Variants in THADA observed in about 807,000 individuals in gnomAD.
THADA encodes THADA armadillo repeat containing.
THADA carries 213 observed loss-of-function variants against 219.8 expected under a neutral mutation model. The ratio of observed to expected loss-of-function variants is 0.97; its 90% confidence interval spans 0.87 to 1.09. The LOEUF (loss-of-function observed/expected upper bound fraction) is 1.09, where lower values mean the gene tolerates loss of function less well. Ranked by LOEUF, THADA falls within the 50% of genes least tolerant of loss-of-function variation. THADA has a pLI of 0.00. For missense variants in THADA, 2,956 were observed against 2,311.3 expected, an observed-to-expected ratio of 1.28 and a Z score of -5.72; for synonymous variants, 1,018 against 828.9, an observed-to-expected ratio of 1.23 and a Z score of -3.92.
Position 43,279,891 on chromosome 2 carries a change from G to A in THADA, c.5170C>T (p.Gln1724Ter). The A allele has an allele frequency of 6.5e-7, 1 of 1,532,370 alleles. No homozygotes were observed. The highest frequency in any genetic ancestry group is 2.4e-5 in the Admixed American group (1 of 42,368). 94.9% of individuals were successfully genotyped at this position (1,532,370 alleles called of 1,614,324 possible). A position where few individuals can be genotyped will look rare whatever the true frequency, so the allele number is the denominator to read the frequency against. The change falls in exon 36 of 38, where the codon CAG becomes TAG. Residue 1724 changes from glutamine to a stop codon, truncating the protein, a stop_gained. Coordinates refer to ENST00000405975, the MANE Select transcript of THADA (RefSeq NM_022065.5). LOFTEE classifies it high-confidence loss of function. The part of the protein sequence containing the change: ...LTNPHPILEL[Q>*]DTLALWKCVL... ...CACTTCCAGAGAGCAAGTGTATCCT[G>A]CAACTCTAAGAAGACCAAAAGGAAT...
At chr2:43,430,151 C>G in intron 27 of THADA, 62 bp downstream of exon 27, 1 of 787,214 alleles carries the variant, frequency 1.3e-6, no homozygotes, top group Non-Finnish European at 1.9e-6. Flanking sequence ...GAGGGAAAAT[C>G]TCAATTACTA....
At chr2:43,341,716 C>T (rs1040127322) in intron 30 of THADA, among the ~76,000 whole-genome samples, 2 of 152,144 alleles carry the variant, frequency 1.3e-5, no homozygotes, top group Non-Finnish European at 2.9e-5. Context: ...AAGCAGGTTT[C>T]AGAGGATAAT....
intron 31 of THADA, among the ~76,000 whole-genome samples, chr2:43,318,743 G>A (rs765296796): frequency 1.3e-5 from 2 of 152,156 alleles, no homozygotes; most frequent in East Asian, 3.8e-4. Flanking sequence ...CACAGCTTGT[G>A]AAAACAAGCT....
chr2:43,355,357 T>TACA (rs1435635840), intron 29 of THADA, among the ~76,000 whole-genome samples: 1 of 152,222 alleles, frequency 6.6e-6, no homozygotes, highest in Non-Finnish European at 1.5e-5. Context: ...ACCAACAGTG[T>TACA]ACAAAGGTTC....
At chr2:43,275,833 G>A (rs2104292703) in intron 36 of THADA, among the ~76,000 whole-genome samples, 1 of 152,320 alleles carries the variant, frequency 6.6e-6, no homozygotes, top group Non-Finnish European at 1.5e-5. Context: ...CCAGAACTCT[G>A]CCTAACTTAA....
At chr2:43,469,597 G>C (rs1041580603) in intron 26 of THADA, among the ~76,000 whole-genome samples, 5 of 151,928 alleles carry the variant, frequency 3.3e-5, no homozygotes, top group Admixed American at 1.3e-4. Flanking sequence ...TTTTTAAAAG[G>C]CTTGGTTATT....
chr2:43,231,293 C>T lies in THADA; in HGVS notation c.5517G>A (p.Glu1839=), dbSNP rs1157558178. The T allele has an allele frequency of 1.3e-6, 2 of 1,585,736 alleles. No individual in the cohort carries two copies. The highest frequency in any genetic ancestry group is 1.7e-6 in the Non-Finnish European group (2 of 1,169,876). The change falls in exon 38 of 38, where the codon GAG becomes GAA. Residue 1839 remains glutamate (E), a synonymous_variant. Transcript: ENST00000405975. ...FEKAEVNFWA[E]TLIFVKYLCK... The stretch of plus-strand genomic sequence containing the variant: ...AGAGGTATTTCACAAAGATCAGGGT[C>T]TCGGCCCAAAAGTTGACTTCTGCTT...
intron 31 of THADA, among the ~76,000 whole-genome samples, chr2:43,318,311 A>T (rs1041003142): frequency 2.6e-5 from 4 of 152,122 alleles, no homozygotes; most frequent in African/African-American, 9.7e-5. Flanking sequence ...AAAGTGCTGA[A>T]TTATGGGCTT....
At chr2:43,280,021 G>A in intron 35 of THADA, 125 bp from the exon 36 acceptor site, 1 of 983,094 alleles carries the variant, frequency 1.0e-6, no homozygotes, top group Non-Finnish European at 1.4e-6. Flanking sequence ...TTTTTTTCTG[G>A]GTATTGTTAA....
At chr2:43,370,420 G>A (rs546719586) in intron 29 of THADA, among the ~76,000 whole-genome samples, 51 of 152,056 alleles carry the variant, frequency 3.4e-4, no homozygotes, top group Admixed American at 5.2e-4. Context: ...GGCCGCTTTC[G>A]GGAAAGGACA....
rs60448094 is a variant in THADA at position 43,501,307 on chromosome 2, C to CAAAAAAAAAAAA, written c.3622-2364_3622-2353dup. ...GGCAACAAAAGCGAAACTCCAACTC[C>CAAAAAAAAAAAA]AAAAAAAAAAAAAAAAAAAAAAAAA... On this transcript the variant is annotated intron_variant, in intron 24 of 37. Coordinates refer to ENST00000405975, the MANE Select transcript of THADA (RefSeq NM_022065.5). 1.5e-3 allele frequency among the ~76,000 whole-genome samples: 22 copies of CAAAAAAAAAAAA among 15,046 alleles called. 1 individual carries two copies. Among genetic ancestry groups the CAAAAAAAAAAAA allele is most frequent in the African/African-American group, 1.7e-3 (9 of 5,320 alleles). The allele number at this position is 15,046 out of a possible 152,430, so 9.9% of individuals were successfully genotyped here.
In THADA at chr2:43,558,403, T is replaced by C. The variant is rs137941841; in HGVS notation, c.2463+1831A>G. Among the ~76,000 whole-genome samples the C allele has an allele frequency of 6.3e-3, 953 of 152,246 alleles. 4 individuals carry two copies. The highest frequency in any genetic ancestry group is 0.01 in the Non-Finnish European group (714 of 68,010). On this transcript the variant is annotated intron_variant, in intron 16 of 37. Coordinates refer to ENST00000405975, the MANE Select transcript of THADA (RefSeq NM_022065.5). The stretch of plus-strand genomic sequence containing the variant: ...AATACTGAGTGTCAGCTTGATTGGA[T>C]TGAAGGATGCAAAGTATTGTTCCTG...
chr2:43,475,690 A>T (rs17030889), intron 26 of THADA, among the ~76,000 whole-genome samples: 20,079 of 152,226 alleles, frequency 0.13, 1,703 homozygotes, highest in African/African-American at 0.23. Context: ...TACAAAACTT[A>T]GTAAAGTCAT....
intron 22 of THADA, among the ~76,000 whole-genome samples, chr2:43,520,907 G>C (rs548092096): frequency 4.0e-4 from 58 of 145,176 alleles, no homozygotes; most frequent in Middle Eastern, 3.5e-3. Context: ...TAAAGAAGGA[G>C]GGAGGGAGGG....
At chr2:43,381,183 G>A (rs1671984758) in intron 29 of THADA, among the ~76,000 whole-genome samples, 1 of 150,536 alleles carries the variant, frequency 6.6e-6, no homozygotes, top group Non-Finnish European at 1.5e-5. Context: ...GAGCCAACCT[G>A]AAAGAGCTCC....
chr2:43,327,433 A>AGGGAGAGAAGGC (rs1679458086), intron 30 of THADA, among the ~76,000 whole-genome samples: 1 of 138,192 alleles, frequency 7.2e-6, no homozygotes, highest in African/African-American at 2.6e-5. Context: ...TGAGAGGCAA[A>AGGGAGAGAAGGC]GGGAGAGAAG....
chr2:43,459,770 C>T (rs1573756533), intron 26 of THADA, among the ~76,000 whole-genome samples: 1 of 152,132 alleles, frequency 6.6e-6, no homozygotes, highest in East Asian at 1.9e-4. Flanking sequence ...GCCCAAGCTT[C>T]CAGAAGCCAA....
intron 36 of THADA, among the ~76,000 whole-genome samples, chr2:43,240,902 C>A (rs1668550347): frequency 6.6e-6 from 1 of 152,148 alleles, no homozygotes. Flanking sequence ...AGCCCTAGTC[C>A]CAGCATGCAC....
chr2:43,322,331 C>T (rs978637107), intron 30 of THADA, among the ~76,000 whole-genome samples: 1 of 151,846 alleles, frequency 6.6e-6, no homozygotes, highest in Non-Finnish European at 1.5e-5. Flanking sequence ...TGGTGAAACC[C>T]CATCTCTACT....
Sources: gnomAD v4.1 joint callset for allele counts (sites outside exome capture counted in the v4.1 genomes callset) on GRCh38, gnomAD v4.1.1 for gene constraint, MANE v1.5 for transcripts, NCBI Gene and HGNC (gene_info 2026-07-23, HGNC 2026-07-21) for gene names.